Variants in ZFYVE16 observed in about 807,000 individuals in gnomAD.
The protein encoded by ZFYVE16 is zinc finger FYVE domain-containing protein 16.
A neutral mutation model predicts 138.1 loss-of-function variants in ZFYVE16; 89 were observed. The ratio of observed to expected loss-of-function variants is 0.64; its 90% CI spans 0.54 to 0.77. The LOEUF is 0.77. ZFYVE16 is among the 30% of genes least tolerant of loss of function. ZFYVE16 has a pLI of 0.00. For synonymous variants in ZFYVE16, 596 were observed against 618.3 expected, an observed-to-expected ratio of 0.96 and a Z score of 0.53; for missense variants, 1,793 against 1,786.7, an observed-to-expected ratio of 1.00 and a Z score of -0.06.
intron 15 of ZFYVE16, among the ~76,000 whole-genome samples, chr5:80,472,047 A>G (rs886071957): frequency 7.2e-5 from 11 of 152,058 alleles, no homozygotes; most frequent in African/African-American, 2.4e-4. Flanking sequence ...TTTGACTTCT[A>G]TTACCTCTGT....
At chr5:80,441,490 A>G in intron 5 of ZFYVE16, 1 of 985,404 alleles carries the variant, frequency 1.0e-6, no homozygotes, top group South Asian at 4.7e-5. Flanking sequence ...GAGCATAAAT[A>G]AAAGTTAATA....
At chr5:80,421,310 A>G (rs1489992454) in intron 1 of ZFYVE16, among the ~76,000 whole-genome samples, 1 of 152,060 alleles carries the variant, frequency 6.6e-6, no homozygotes, top group Admixed American at 6.6e-5. Context: ...ATTAGATCCC[A>G]TTTGTCAACT....
Position 80,437,564 on chromosome 5 carries a change from A to G in ZFYVE16, c.879A>G (p.Leu293=). 1 of 1,614,110 alleles carries G rather than the reference A, an allele frequency of 6.2e-7. No homozygotes were observed. Among genetic ancestry groups the G allele is most frequent in the East Asian group, 2.2e-5 (1 of 44,878 alleles). Residue 293 remains leucine (L), a synonymous_variant, in exon 4 of 19, where the codon TTA becomes TTG. Transcript: ENST00000505560. ...CAGTCATAACTGCCGCAGAATGTTTAAAAGAAGAGGGCAAGACAAGTGCTT... is the reference window on the plus strand; with the variant it reads ...CAGTCATAACTGCCGCAGAATGTTTGAAAGAAGAGGGCAAGACAAGTGCTT... ...DVAVITAAEC[L]KEEGKTSALT... is the part of the protein sequence containing the mutation.
chr5:80,421,520 C>T (rs1747170395), intron 1 of ZFYVE16, among the ~76,000 whole-genome samples: 3 of 152,152 alleles, frequency 2.0e-5, no homozygotes, highest in Admixed American at 2.0e-4. Flanking sequence ...TATGGCTAGC[C>T]AGTTTTCCCA....
At chr5:80,476,633 C>T (rs1293929914) in intron 18 of ZFYVE16, among the ~76,000 whole-genome samples, 1 of 152,142 alleles carries the variant, frequency 6.6e-6, no homozygotes, top group Non-Finnish European at 1.5e-5. Context: ...TTAAGCTAAA[C>T]GTGGGTGAGT....
intron 2 of ZFYVE16, 65 bp downstream of exon 2, chr5:80,427,610 C>CTTTTTTTTTTTTTTTTTTTTATTTTTTT: frequency 2.0e-5 from 1 of 50,008 alleles, no homozygotes; most frequent in Non-Finnish European, 4.1e-5. Flanking sequence ...CTGTCGTATG[C>CTTTTTTTTTTTTTTTTTTTTATTTTTTT]TTTTTTTTTT....
At chr5:80,426,055 A>C (rs1332786465) in intron 1 of ZFYVE16, among the ~76,000 whole-genome samples, 2 of 152,018 alleles carry the variant, frequency 1.3e-5, no homozygotes, top group African/African-American at 4.8e-5. Context: ...GGGCAGGATA[A>C]ATTTTTCTCT....
chr5:80,411,391 G>A (rs1394878022), intron 1 of ZFYVE16, among the ~76,000 whole-genome samples: 3 of 151,860 alleles, frequency 2.0e-5, no homozygotes, highest in Non-Finnish European at 4.4e-5. Context: ...CATCATTAAT[G>A]TTTGTTCCTT....
rs1186058794 is a variant in ZFYVE16 at position 80,480,256 on chromosome 5, AGTT to A, written c.*2882_*2884del. ...GGAAATGGGAAACTATACGATAAAA[AGTT>A]GTGGAGCTAATCTGGAAAAGAACTG... On this transcript the variant is annotated 3_prime_UTR_variant, in exon 19 of 19. Transcript: ENST00000505560. Among the ~76,000 whole-genome samples, 1 of 152,230 alleles carries A rather than the reference AGTT, an allele frequency of 6.6e-6. No individual in the cohort carries two copies. Among genetic ancestry groups the A allele is most frequent in the Non-Finnish European group, 1.5e-5 (1 of 68,044 alleles).
intron 2 of ZFYVE16, among the ~76,000 whole-genome samples, chr5:80,429,652 CTG>C (rs1273439664): frequency 6.6e-6 from 1 of 152,174 alleles, no homozygotes; most frequent in Non-Finnish European, 1.5e-5. Context: ...AAGACACAGA[CTG>C]GCAAATTGGA....
rs1750193119 is a variant in ZFYVE16 at position 80,438,044 on chromosome 5, CAGAAAGAT to C, written c.1363_1370del (p.Lys455SerfsTer2). ...AGTCATTAATTGAAGGGATGGAAGA[CAGAAAGAT>C]AGATCCTGACCAGACAGTAATCAGA... is the stretch of plus-strand genomic sequence containing the variant. On this transcript the variant is annotated frameshift_variant, in exon 4 of 19. Coordinates refer to ENST00000505560, the MANE Select transcript of ZFYVE16 (RefSeq NM_001284236.3). LOFTEE classifies it high-confidence loss of function. The C allele has an allele frequency of 3.7e-6, 6 of 1,613,944 alleles. No homozygotes were observed. The South Asian group carries it at 6.6e-5, about 18-fold the overall frequency.
At position 80,481,099 on chromosome 5, in the gene ZFYVE16, G is replaced by A. The variant is rs985876441; in HGVS notation, c.*3722G>A. 2.0e-5 allele frequency among the ~76,000 whole-genome samples: 3 copies of A among 151,964 alleles called. No homozygotes were observed. Among genetic ancestry groups the A allele is most frequent in the Non-Finnish European group, 2.9e-5 (2 of 67,990 alleles). On this transcript the variant is annotated 3_prime_UTR_variant, in exon 19 of 19. Coordinates refer to ENST00000505560, the MANE Select transcript of ZFYVE16 (RefSeq NM_001284236.3). ...CAGGAAAGATGCAGTAAGACCCACC[G>A]CCCCACCAGGAGAACCATGGGTAAT...
Position 80,472,745 on chromosome 5 carries a change from T to G in ZFYVE16, c.4025-16T>G, listed in dbSNP as rs374099613. 82 of 1,605,924 alleles carry G rather than the reference T, an allele frequency of 5.1e-5. No individual in the cohort carries two copies. Among genetic ancestry groups the G allele is most frequent in the Middle Eastern group, 1.7e-4 (1 of 6,016 alleles). On this transcript the variant is annotated splice_polypyrimidine_tract_variant and intron_variant, in intron 15 of 18. Coordinates refer to ENST00000505560, the MANE Select transcript of ZFYVE16 (RefSeq NM_001284236.3). Reference sequence around the variant, plus strand: ...GTATTTGGCAAAAGAAATGTGAAACTTAGTCTCATTTCTAGATGGCTTAAT... The same window carrying G: ...GTATTTGGCAAAAGAAATGTGAAACGTAGTCTCATTTCTAGATGGCTTAAT...
At chr5:80,424,494 C>T (rs1371781078) in intron 1 of ZFYVE16, among the ~76,000 whole-genome samples, 9 of 144,412 alleles carry the variant, frequency 6.2e-5, no homozygotes, top group Admixed American at 5.5e-4. Flanking sequence ...CAGGATCTTG[C>T]TCTGTTGCCC....
chr5:80,411,793 C>T (rs866175900), intron 1 of ZFYVE16: 2 of 152,210 alleles, frequency 1.3e-5, no homozygotes, highest in Non-Finnish European at 2.9e-5. Flanking sequence ...ACAGTCCAAA[C>T]GTGAACTCAT....
At chr5:80,458,862 A>G (rs113149397) in intron 14 of ZFYVE16, among the ~76,000 whole-genome samples, 1,661 of 152,346 alleles carry the variant, frequency 0.011, 32 homozygotes, top group African/African-American at 0.037. Flanking sequence ...CTACACCCTC[A>G]CTAATATAGG....
intron 1 of ZFYVE16, among the ~76,000 whole-genome samples, chr5:80,416,802 G>A (rs949410626): frequency 5.9e-4 from 90 of 152,140 alleles, no homozygotes; most frequent in African/African-American, 2.1e-3. Flanking sequence ...CCTTTTGTTG[G>A]AGAATTTTAT....
intron 15 of ZFYVE16, among the ~76,000 whole-genome samples, chr5:80,470,890 A>C (rs192941698): frequency 6.6e-6 from 1 of 152,246 alleles, no homozygotes; most frequent in East Asian, 1.9e-4. Context: ...AGAATAAAAG[A>C]TGAAATGCTC....
chr5:80,451,417 C>CTT (rs1412905541), intron 10 of ZFYVE16, 68 bp from the exon 11 acceptor site: 1 of 1,319,280 alleles, frequency 7.6e-7, no homozygotes, highest in Admixed American at 2.5e-5. Flanking sequence ...TTTGGACAAA[C>CTT]TAAGAACATT....
Sources: gnomAD v4.1 joint callset for allele counts (sites outside exome capture counted in the v4.1 genomes callset) on GRCh38, gnomAD v4.1.1 for gene constraint, MANE v1.5 for transcripts, NCBI Gene and HGNC (gene_info 2026-07-23, HGNC 2026-07-21) for gene names.